The following STK31 variants were observed in gnomAD, a reference collection of about 807,000 sequenced individuals.
The protein encoded by STK31 is serine/threonine kinase 31.
Under a neutral mutation model 129.7 loss-of-function variants are expected in STK31, and 89 were observed. The observed-to-expected ratio is 0.69, with a 90% CI of 0.58 to 0.82. The LOEUF (loss-of-function observed/expected upper bound fraction) is 0.82, where lower values mean the gene tolerates loss of function less well. STK31 is among the 40% of genes least tolerant of loss of function. The pLI, the probability that STK31 is intolerant of heterozygous loss-of-function variation, is 0.00. For missense variants in STK31, 1,187 were observed against 1,176.4 expected (o/e 1.01, Z -0.13); for synonymous variants, 448 against 395.3 (o/e 1.13, Z -1.58).
rs1332838700 is a variant in STK31 at position 23,832,147 on chromosome 7, C to T, written c.2841C>T (p.Val947=). The change falls in exon 24 of 24, where the codon GTC becomes GTT. Residue 947 remains valine (V), a synonymous_variant. Transcript: ENST00000355870. ...GTTTTTCCTTGCAGGATGATAAAGT[C>T]AAATCCCTCCTCTGTAGCTTGATAT... The part of the protein sequence containing the change: ...KVDQFHLDDK[V]KSLLCSLICY... 9 of 1,612,842 alleles carry T rather than the reference C, an allele frequency of 5.6e-6. No individual in the cohort carries two copies. In the East Asian group the frequency reaches 1.8e-4, roughly 32 times the overall value.
chr7:23,763,785 GAAATGTTTTCATTTTC>G (rs1015862691), intron 11 of STK31, among the ~76,000 whole-genome samples: 22 of 122,394 alleles, frequency 1.8e-4, no homozygotes, highest in African/African-American at 6.1e-4. Context: ...GTTTTCATTT[GAAATGTTTTCATTTTC>G]AAATGTTTTC....
intron 23 of STK31, among the ~76,000 whole-genome samples, chr7:23,829,080 T>G (rs1794385270): frequency 6.6e-6 from 1 of 151,894 alleles, no homozygotes; most frequent in Non-Finnish European, 1.5e-5. Context: ...TTTTTTTTTT[T>G]TGTATTTTTT....
intron 22 of STK31, among the ~76,000 whole-genome samples, chr7:23,792,994 C>T (rs1326948396): frequency 6.6e-6 from 1 of 152,198 alleles, no homozygotes; most frequent in African/African-American, 2.4e-5. Flanking sequence ...TGCACTCCAG[C>T]CTAGGCTACA....
intron 4 of STK31, chr7:23,722,827 A>T (rs1003376187): frequency 1.3e-5 from 2 of 152,644 alleles, no homozygotes; most frequent in Middle Eastern, 3.4e-3. Context: ...CTTGCAGTTC[A>T]TCTGAGACTG....
intron 23 of STK31, among the ~76,000 whole-genome samples, chr7:23,824,272 A>C (rs1184971508): frequency 2.6e-5 from 4 of 152,000 alleles, no homozygotes; most frequent in Non-Finnish European, 4.4e-5. Flanking sequence ...CTTTTACTTC[A>C]TTGAGCAGTG....
chr7:23,731,370 A>G (rs918608396), intron 6 of STK31, among the ~76,000 whole-genome samples: 2 of 152,022 alleles, frequency 1.3e-5, no homozygotes, highest in Non-Finnish European at 2.9e-5. Context: ...GCTAATACCC[A>G]CTTACCCGGT....
intron 22 of STK31, chr7:23,811,109 A>C (rs1453766647): frequency 6.2e-6 from 1 of 161,640 alleles, no homozygotes; most frequent in African/African-American, 2.4e-5. Flanking sequence ...TTATGATGAC[A>C]GGTGATAGAT....
chr7:23,787,074 C>T (rs1306932476), intron 20 of STK31, 150 bp downstream of exon 20: 4 of 707,966 alleles, frequency 5.6e-6, no homozygotes, highest in Non-Finnish European at 6.9e-6. Context: ...TAGAAGTTAT[C>T]GTGTTATATA....
In STK31 at chr7:23,768,908, G is replaced by T. The variant is rs534144527; in HGVS notation, c.1417-87G>T. ...CTCAAGAATGGGGATTCAGCATACT[G>T]CTTTTCTACCCCTTAGATCCTAACA... On this transcript the variant is annotated intron_variant, in intron 11 of 23. Transcript: ENST00000355870. 7.2e-6 allele frequency: 8 copies of T among 1,114,488 alleles called. No individual in the cohort carries two copies. The East Asian group carries it at 2.2e-4, about 30-fold the overall frequency. 69.0% of individuals were successfully genotyped at this position (1,114,488 alleles called of 1,614,324 possible). A position where few individuals can be genotyped will look rare whatever the true frequency, so the allele number is the denominator to read the frequency against.
intron 23 of STK31, among the ~76,000 whole-genome samples, chr7:23,827,203 G>T (rs1247469849): frequency 6.6e-6 from 1 of 152,154 alleles, no homozygotes; most frequent in African/African-American, 2.4e-5. Context: ...TTCCAACTTG[G>T]TTCCATTCTC....
At chr7:23,767,663 C>T (rs911660164) in intron 11 of STK31, among the ~76,000 whole-genome samples, 1 of 152,168 alleles carries the variant, frequency 6.6e-6, no homozygotes, top group African/African-American at 2.4e-5. Flanking sequence ...TCAGTTTTTG[C>T]CTCATCTGTG....
chr7:23,785,519 T>G lies in STK31; in HGVS notation c.2190T>G (p.Leu730=). 1 of 1,614,046 alleles carries G rather than the reference T, an allele frequency of 6.2e-7. No homozygotes were observed. The highest frequency in any genetic ancestry group is 8.5e-7 in the Non-Finnish European group (1 of 1,179,916). Residue 730 remains leucine, a synonymous_variant, in exon 18 of 24, where the codon CTT becomes CTG. Coordinates refer to ENST00000355870, the MANE Select transcript of STK31 (RefSeq NM_031414.5). ...TTACAATGAGCTTGGAACGAGATCTTCTTGATGCTGAGCCCATGAAGGAAC... is the reference window on the plus strand; with the variant it reads ...TTACAATGAGCTTGGAACGAGATCTGCTTGATGCTGAGCCCATGAAGGAAC... ...GLLTMSLERD[L]LDAEPMKELS... is the part of the protein sequence containing the mutation.
intron 15 of STK31, among the ~76,000 whole-genome samples, chr7:23,774,611 C>A (rs1790421336): frequency 6.6e-6 from 1 of 152,040 alleles, no homozygotes. Context: ...TATCCTTTGC[C>A]CACTTTTTGA....
chr7:23,798,059 G>A lies in STK31; in HGVS notation c.2760+7113G>A, dbSNP rs536874958. 2.5e-4 allele frequency among the ~76,000 whole-genome samples: 38 copies of A among 152,188 alleles called. No individual in the cohort carries two copies. In the East Asian group the frequency reaches 3.9e-3, roughly 15 times the overall value. Reference sequence around the variant, plus strand: ...CCCAAGACTAAATCAGCAAGAAGTCGAATCCCTGAATAGACCAACAATAAG... The same window carrying A: ...CCCAAGACTAAATCAGCAAGAAGTCAAATCCCTGAATAGACCAACAATAAG... On this transcript the variant is annotated intron_variant, in intron 22 of 23. Coordinates refer to ENST00000355870, the MANE Select transcript of STK31 (RefSeq NM_031414.5).
At chr7:23,775,280 C>T (rs897778915) in intron 15 of STK31, among the ~76,000 whole-genome samples, 11 of 152,118 alleles carry the variant, frequency 7.2e-5, no homozygotes, top group Non-Finnish European at 1.2e-4. Context: ...CAGCTTTGTT[C>T]TTTTTGCTTA....
Position 23,771,025 on chromosome 7 carries a change from G to A in STK31, c.1734G>A (p.Lys578=), listed in dbSNP as rs1454929366. The part of the protein sequence containing the change: ...IALVDQGDAD[K]EIISNTYSQV... ...TTTAGGATCAAGGTGATGCAGACAA[G>A]GAGATAATTTCAAATACATATAGTC... Residue 578 remains lysine (K), a synonymous_variant, in exon 14 of 24, where the codon AAG becomes AAA. Transcript: ENST00000355870. 1.2e-6 allele frequency: 2 copies of A among 1,610,892 alleles called. No individual in the cohort carries two copies. The highest frequency in any genetic ancestry group is 1.7e-6 in the Non-Finnish European group (2 of 1,178,678).
At position 23,830,192 on chromosome 7, in the gene STK31, T is replaced by G. The variant is rs566853929; in HGVS notation, c.2830-1944T>G. 2.6e-5 allele frequency among the ~76,000 whole-genome samples: 4 copies of G among 152,300 alleles called. No individual in the cohort carries two copies. The South Asian group carries it at 8.3e-4, about 32-fold the overall frequency. ...TTCTGATTGTGTTTATTGCAGCTTT[T>G]TTAAAGTTTTAGTACAGCTAGCAGT... On this transcript the variant is annotated intron_variant, in intron 23 of 23. Coordinates refer to ENST00000355870, the MANE Select transcript of STK31 (RefSeq NM_031414.5).
At chr7:23,744,861 G>C (rs1236645957) in intron 8 of STK31, among the ~76,000 whole-genome samples, 1 of 152,034 alleles carries the variant, frequency 6.6e-6, no homozygotes, top group Non-Finnish European at 1.5e-5. Flanking sequence ...CTTGTCCTTG[G>C]TTTCCAGGAC....
chr7:23,832,344 G>T lies in STK31; in HGVS notation c.3038G>T (p.Gly1013Val). 6.2e-7 allele frequency: 1 copy of T among 1,609,948 alleles called. No homozygotes were observed. Among genetic ancestry groups the T allele is most frequent in the Non-Finnish European group, 8.5e-7 (1 of 1,179,140 alleles). ...AAATGTATGGAGAAGACAAGAAATGGTGAAGCCAACTTTGATTGTTAAATT... is the reference window on the plus strand; with the variant it reads ...AAATGTATGGAGAAGACAAGAAATGTTGAAGCCAACTTTGATTGTTAAATT... ...LDKCMEKTRN[G>V]EANFDC Residue 1013 changes from glycine (G) to valine (V), a missense_variant, in exon 24 of 24, where the codon GGT (glycine) becomes GTT (valine). Gly to Val is a moderately radical substitution (Grantham distance 109, BLOSUM62 -3). Coordinates refer to ENST00000355870, the MANE Select transcript of STK31 (RefSeq NM_031414.5).
Sources: gnomAD v4.1 joint callset for allele counts (sites outside exome capture counted in the v4.1 genomes callset) on GRCh38, gnomAD v4.1.1 for gene constraint, MANE v1.5 for transcripts, NCBI Gene and HGNC (gene_info 2026-07-23, HGNC 2026-07-21) for gene names.